CLYBL: variants seen among roughly 807,000 people sequenced by gnomAD.
CLYBL encodes citramalyl-CoA lyase, mitochondrial.
Under a neutral mutation model 38.9 loss-of-function variants are expected in CLYBL, and 31 were observed. The observed-to-expected ratio is 0.80, with a 90% CI of 0.60 to 1.08. The LOEUF (loss-of-function observed/expected upper bound fraction) is 1.08. Ranked by LOEUF, CLYBL falls within the 50% of genes least tolerant of loss-of-function variation. The pLI, the probability that CLYBL is intolerant of heterozygous loss-of-function variation, is 0.00. For missense variants in CLYBL, 434 were observed against 411.6 expected, an observed-to-expected ratio of 1.05 and a Z score of -0.47; for synonymous variants, 171 against 158.6, an observed-to-expected ratio of 1.08 and a Z score of -0.59.
intron 1 of CLYBL, among the ~76,000 whole-genome samples, chr13:99,703,324 T>A (rs1454617125): frequency 6.6e-6 from 1 of 152,174 alleles, no homozygotes; most frequent in Admixed American, 6.6e-5. Flanking sequence ...CTTCCCACCT[T>A]GTCTTTGTTT....
intron 1 of CLYBL, among the ~76,000 whole-genome samples, chr13:99,758,176 G>A (rs986589186): frequency 2.0e-5 from 3 of 152,196 alleles, no homozygotes; most frequent in Admixed American, 6.5e-5. Flanking sequence ...AAGCTCCCCA[G>A]GTGACTATTA....
intron 1 of CLYBL, among the ~76,000 whole-genome samples, chr13:99,621,613 CT>C (rs58106331): frequency 0.016 from 2,448 of 152,276 alleles, 62 homozygotes; most frequent in African/African-American, 0.055. Flanking sequence ...TTTCCTATTG[CT>C]GTTGTAACAG....
At chr13:99,632,653 G>A (rs1168037725) in intron 1 of CLYBL, among the ~76,000 whole-genome samples, 1 of 152,160 alleles carries the variant, frequency 6.6e-6, no homozygotes, top group African/African-American at 2.4e-5. Flanking sequence ...GCTGAGGCAA[G>A]AGAATCCCTT....
chr13:99,655,268 G>C (rs1310684732), intron 1 of CLYBL, among the ~76,000 whole-genome samples: 1 of 152,024 alleles, frequency 6.6e-6, no homozygotes, highest in Non-Finnish European at 1.5e-5. Context: ...TAGAGACGGG[G>C]TTTTACCATG....
At chr13:99,812,425 A>G (rs1004197101) in intron 2 of CLYBL, among the ~76,000 whole-genome samples, 54 of 152,200 alleles carry the variant, frequency 3.5e-4, no homozygotes, top group Non-Finnish European at 5.1e-4. Flanking sequence ...TACAGTTTCC[A>G]ATGGAGACAG....
rs182468310 is a variant in CLYBL, at chr13:99,698,794, G to T, written c.63-74030G>T. Among the ~76,000 whole-genome samples, 179 of 152,274 alleles carry T rather than the reference G, an allele frequency of 1.2e-3. 2 individuals are homozygous for T. Among genetic ancestry groups the T allele is most frequent in the African/African-American group, 4.0e-3 (166 of 41,568 alleles). On this transcript the variant is annotated intron_variant, in intron 1 of 8. Transcript: ENST00000339105. The stretch of plus-strand genomic sequence containing the variant: ...GTATGAATTGTCAAAAAGATTAATT[G>T]TTGTTGCTTGCAGCTAAACAGATGA...
At chr13:99,717,999 G>A (rs1008745475) in intron 1 of CLYBL, among the ~76,000 whole-genome samples, 1 of 152,004 alleles carries the variant, frequency 6.6e-6, no homozygotes, top group African/African-American at 2.4e-5. Flanking sequence ...TTGCCATAAA[G>A]TTGTTTTTAG....
intron 2 of CLYBL, among the ~76,000 whole-genome samples, chr13:99,847,937 C>A (rs867515574): frequency 6.6e-6 from 1 of 152,206 alleles, no homozygotes; most frequent in South Asian, 2.1e-4. Context: ...TGCCCCTGCC[C>A]TTCAGGGCTC....
chr13:99,725,204 C>T (rs1325234343), intron 1 of CLYBL, among the ~76,000 whole-genome samples: 1 of 152,186 alleles, frequency 6.6e-6, no homozygotes, highest in South Asian at 2.1e-4. Flanking sequence ...AGAGCCCGCT[C>T]TCAGGTTGCT....
chr13:99,867,002 G>A (rs574049968), intron 6 of CLYBL, among the ~76,000 whole-genome samples: 32 of 152,200 alleles, frequency 2.1e-4, no homozygotes, highest in African/African-American at 7.5e-4. Flanking sequence ...GGGCACAGGC[G>A]GGTATCTGTT....
chr13:99,691,234 T>G (rs1275134520), intron 1 of CLYBL, among the ~76,000 whole-genome samples: 1 of 152,258 alleles, frequency 6.6e-6, no homozygotes, highest in African/African-American at 2.4e-5. Context: ...CATTACTTTT[T>G]ATTTCCTTGA....
At chr13:99,636,796 G>A (rs1421392514) in intron 1 of CLYBL, among the ~76,000 whole-genome samples, 1 of 152,104 alleles carries the variant, frequency 6.6e-6, no homozygotes, top group African/African-American at 2.4e-5. Context: ...AGTGGTTCTG[G>A]ATTCTCTCCA....
chr13:99,722,814 GT>G (rs1284549623), intron 1 of CLYBL, among the ~76,000 whole-genome samples: 1 of 152,216 alleles, frequency 6.6e-6, no homozygotes, highest in Non-Finnish European at 1.5e-5. Flanking sequence ...ATATATGAAG[GT>G]GGACTGACGA....
intron 2 of CLYBL, among the ~76,000 whole-genome samples, chr13:99,777,088 A>C (rs2049533461): frequency 6.6e-6 from 1 of 152,104 alleles, no homozygotes; most frequent in Non-Finnish European, 1.5e-5. Context: ...CATGTTGGCC[A>C]GACTAGTCTC....
At chr13:99,627,113 A>G (rs1305375557) in intron 1 of CLYBL, among the ~76,000 whole-genome samples, 1 of 152,018 alleles carries the variant, frequency 6.6e-6, no homozygotes, top group South Asian at 2.1e-4. Flanking sequence ...TTAATCCGAC[A>G]CTTTTGAGAG....
intron 2 of CLYBL, among the ~76,000 whole-genome samples, chr13:99,780,520 A>G (rs1489395015): frequency 6.6e-6 from 1 of 151,752 alleles, no homozygotes; most frequent in Non-Finnish European, 1.5e-5. Context: ...AGCTGAGACT[A>G]CAGGCGCCTG....
intron 7 of CLYBL, among the ~76,000 whole-genome samples, chr13:99,880,144 T>C (rs1170263289): frequency 1.3e-5 from 2 of 149,032 alleles, no homozygotes; most frequent in Non-Finnish European, 3.0e-5. Flanking sequence ...CTTGGCTCAC[T>C]GCAACCTCTG....
intron 1 of CLYBL, among the ~76,000 whole-genome samples, chr13:99,695,515 A>T (rs1288184763): frequency 1.3e-5 from 2 of 149,502 alleles, no homozygotes; most frequent in African/African-American, 4.9e-5. Context: ...CCTGTGTGAC[A>T]TTTTTTTTTT....
At chr13:99,768,198 T>C (rs199774857) in intron 1 of CLYBL, among the ~76,000 whole-genome samples, 29 of 138,508 alleles carry the variant, frequency 2.1e-4, no homozygotes, top group Middle Eastern at 3.8e-3. Flanking sequence ...TTTTCTTTTT[T>C]TTTTTTTTTT....
Sources: gnomAD v4.1 joint callset for allele counts (sites outside exome capture counted in the v4.1 genomes callset) on GRCh38, gnomAD v4.1.1 for gene constraint, MANE v1.5 for transcripts, NCBI Gene and HGNC (gene_info 2026-07-23, HGNC 2026-07-21) for gene names.